The following CADPS2 variants were observed in gnomAD, a reference collection of about 807,000 sequenced individuals.
CADPS2 encodes the protein calcium-dependent secretion activator 2.
In CADPS2, 93 loss-of-function variants were observed where a neutral mutation model predicts 172.5. The ratio of observed to expected loss-of-function variants is 0.54; its 90% CI spans 0.46 to 0.64. The LOEUF is 0.64. Among genes scored for constraint, CADPS2 ranks in the 30% least tolerant of loss-of-function variants. CADPS2 has a pLI of 0.00. For synonymous variants in CADPS2, 546 were observed against 555.2 expected (o/e 0.98, Z 0.23); for missense variants, 1,420 against 1,565.9 (o/e 0.91, Z 1.57).
intron 18 of CADPS2, among the ~76,000 whole-genome samples, chr7:122,415,289 C>T (rs933836431): frequency 2.6e-5 from 4 of 152,110 alleles, no homozygotes; most frequent in Admixed American, 1.3e-4. Context: ...TCCCCTTCCA[C>T]GTTAACTTAC....
At chr7:122,815,785 C>G (rs1244456782) in intron 1 of CADPS2, among the ~76,000 whole-genome samples, 3 of 152,068 alleles carry the variant, frequency 2.0e-5, no homozygotes, top group Admixed American at 1.3e-4. Flanking sequence ...CAGAAAGCAG[C>G]TCCAACTGAA....
intron 1 of CADPS2, among the ~76,000 whole-genome samples, chr7:122,815,176 T>C (rs1224653800): frequency 1.3e-5 from 2 of 152,172 alleles, no homozygotes; most frequent in Non-Finnish European, 2.9e-5. Context: ...GTGTTACTCC[T>C]GCACATCATT....
At chr7:122,643,089 A>G (rs1303283805) in intron 3 of CADPS2, among the ~76,000 whole-genome samples, 1 of 152,204 alleles carries the variant, frequency 6.6e-6, no homozygotes, top group Non-Finnish European at 1.5e-5. Context: ...ATAATACATT[A>G]CAATAAATAA....
intron 28 of CADPS2, among the ~76,000 whole-genome samples, chr7:122,327,286 A>G (rs1370640818): frequency 1.3e-5 from 2 of 152,078 alleles, no homozygotes; most frequent in Non-Finnish European, 2.9e-5. Flanking sequence ...TAATACAGGC[A>G]CTCACTCACA....
intron 6 of CADPS2, among the ~76,000 whole-genome samples, chr7:122,588,069 T>C (rs988061220): frequency 6.6e-6 from 1 of 152,118 alleles, no homozygotes; most frequent in Admixed American, 6.6e-5. Context: ...CTCGTAAATT[T>C]TTTTCTTGTA....
intron 8 of CADPS2, among the ~76,000 whole-genome samples, chr7:122,518,835 A>G (rs2060572271): frequency 1.3e-5 from 2 of 152,064 alleles, no homozygotes; most frequent in Admixed American, 6.6e-5. Context: ...TGAGAGAAGC[A>G]TTTTCTAATG....
chr7:122,447,543 A>ATTTTTTTTTTTTTTTTTTTTTTTT lies in CADPS2; in HGVS notation c.2288+3807_2288+3830dup, dbSNP rs1159112244. ...CCATGTTGATTTCTTGTTTCGGGGAATTTTTTTTTTTTTTTTTTTTTTTTT... is the reference window on the plus strand; with the variant it reads ...CCATGTTGATTTCTTGTTTCGGGGAATTTTTTTTTTTTTTTTTTTTTTTTTTTTTTTTTTTTTTTTTTTTTTTTT... On this transcript the variant is annotated intron_variant, in intron 15 of 29. Transcript: ENST00000449022. Among the ~76,000 whole-genome samples, 104 of 89,792 alleles carry ATTTTTTTTTTTTTTTTTTTTTTTT rather than the reference A, an allele frequency of 1.2e-3. 16 individuals are homozygous for ATTTTTTTTTTTTTTTTTTTTTTTT. The highest frequency in any genetic ancestry group is 5.4e-3 in the East Asian group (14 of 2,594). The allele number at this position is 89,792 out of a possible 152,430, so 58.9% of individuals were successfully genotyped here.
At position 122,319,331 on chromosome 7, in the gene CADPS2, G is replaced by T. The variant is rs1563053339; in HGVS notation, c.*834C>A. 1 of 152,176 alleles carries T rather than the reference G, an allele frequency of 6.6e-6. No homozygotes were observed. Among genetic ancestry groups the T allele is most frequent in the Non-Finnish European group, 1.5e-5 (1 of 68,030 alleles). 9.4% of individuals were successfully genotyped at this position (152,176 alleles called of 1,614,324 possible). On this transcript the variant is annotated 3_prime_UTR_variant, in exon 30 of 30. Coordinates refer to ENST00000449022, the MANE Select transcript of CADPS2 (RefSeq NM_017954.11). ...AAACACAGAGTCAGATAGTTGGGAT[G>T]TTTGAAACACTGCAAACCTCTTTTA...
intron 1 of CADPS2, among the ~76,000 whole-genome samples, chr7:122,787,761 T>A (rs2139588706): frequency 6.6e-6 from 1 of 152,332 alleles, no homozygotes; most frequent in Admixed American, 6.5e-5. Context: ...TCCAGGATAC[T>A]TGGTATTAGC....
intron 1 of CADPS2, among the ~76,000 whole-genome samples, chr7:122,763,526 C>A (rs980343432): frequency 2.0e-5 from 3 of 152,086 alleles, no homozygotes; most frequent in African/African-American, 7.2e-5. Flanking sequence ...TCAGTAATGC[C>A]ATCATATCCA....
intron 15 of CADPS2, among the ~76,000 whole-genome samples, chr7:122,443,773 C>T (rs2051722757): frequency 7.5e-6 from 1 of 133,632 alleles, no homozygotes; most frequent in Non-Finnish European, 1.6e-5. Context: ...GGTATTTAAA[C>T]TTTATATCCT....
intron 1 of CADPS2, among the ~76,000 whole-genome samples, chr7:122,843,578 A>C (rs1222579363): frequency 6.6e-6 from 1 of 152,250 alleles, no homozygotes; most frequent in Non-Finnish European, 1.5e-5. Flanking sequence ...GTTCTCAAAC[A>C]ATGAGTCCAG....
At chr7:122,620,765 G>A (rs1043647079) in intron 5 of CADPS2, among the ~76,000 whole-genome samples, 5 of 152,126 alleles carry the variant, frequency 3.3e-5, no homozygotes, top group Admixed American at 2.6e-4. Context: ...CTAGAAAAAT[G>A]ATCCTATGGG....
intron 7 of CADPS2, among the ~76,000 whole-genome samples, chr7:122,570,346 C>G (rs1168100566): frequency 2.0e-5 from 3 of 151,934 alleles, no homozygotes; most frequent in Admixed American, 6.6e-5. Flanking sequence ...CCATCTCACA[C>G]CAGTTAGAAT....
rs372828732 is a variant in CADPS2 at position 122,472,710 on chromosome 7, T to C, written c.1999-1148A>G. Among the ~76,000 whole-genome samples the C allele has an allele frequency of 6.8e-4, 103 of 152,302 alleles. 1 individual carries two copies. The East Asian group carries it at 0.017, about 25-fold the overall frequency. ...CCTTATTGATGTTCACTCTATGTGT[T>C]TGTCCATGAAAAGATAGAATAGGAT... On this transcript the variant is annotated intron_variant, in intron 13 of 29. Transcript: ENST00000449022.
chr7:122,719,839 TG>T, intron 2 of CADPS2, among the ~76,000 whole-genome samples: 3 of 152,246 alleles, frequency 2.0e-5, no homozygotes, highest in Admixed American at 2.0e-4. Context: ...TCATCATTTA[TG>T]GCTTTATCAA....
chr7:122,511,659 A>G (rs1460923217), intron 9 of CADPS2, among the ~76,000 whole-genome samples: 2 of 152,146 alleles, frequency 1.3e-5, no homozygotes, highest in African/African-American at 2.4e-5. Context: ...AGCCATTGAA[A>G]TCATGTAGTT....
At chr7:122,373,877 CAGA>C (rs2042049402) in intron 25 of CADPS2, among the ~76,000 whole-genome samples, 2 of 152,046 alleles carry the variant, frequency 1.3e-5, no homozygotes, top group South Asian at 2.1e-4. Flanking sequence ...CCCCAAAAAA[CAGA>C]AGAGGGAACA....
At chr7:122,331,070 T>G (rs77931572) in intron 28 of CADPS2, 1 of 152,308 alleles carries the variant, frequency 6.6e-6, no homozygotes, top group East Asian at 1.9e-4. Flanking sequence ...CAGTTGTCAT[T>G]CTGTTTTTAT....
Sources: allele counts gnomAD v4.1 joint callset (sites outside exome capture counted in the v4.1 genomes callset), GRCh38; gene constraint gnomAD v4.1.1; transcripts MANE v1.5; gene names NCBI Gene and HGNC (gene_info 2026-07-23, HGNC 2026-07-21).